MACF1: variants seen among roughly 807,000 people sequenced by gnomAD.
MACF1 encodes the protein microtubule actin crosslinking factor 1.
Under a neutral mutation model 854.8 loss-of-function variants are expected in MACF1, and 193 were observed. That is an observed-to-expected ratio of 0.23 (90% CI 0.20 to 0.25). The LOEUF (loss-of-function observed/expected upper bound fraction) is 0.25. Ranked by LOEUF, MACF1 falls within the 10% of genes least tolerant of loss-of-function variation. The pLI is 1.00. For missense variants in MACF1, 7,722 were observed against 8,929.1 expected (o/e 0.86, Z 5.45); for synonymous variants, 3,185 against 3,226.7 (o/e 0.99, Z 0.44).
chr1:39,244,300 G>A (rs1301260080), intron 2 of MACF1, among the ~76,000 whole-genome samples: 1 of 151,626 alleles, frequency 6.6e-6, no homozygotes, highest in Admixed American at 6.6e-5. Flanking sequence ...TTTATTTTTT[G>A]AGGTGGAGTC....
intron 44 of MACF1, among the ~76,000 whole-genome samples, chr1:39,355,052 G>T (rs971215936): frequency 1.3e-5 from 2 of 152,204 alleles, no homozygotes; most frequent in East Asian, 1.9e-4. Context: ...ATATATTTTA[G>T]TGGTGACACC....
chr1:39,453,925 C>A (rs1644385978), intron 88 of MACF1, 75 bp downstream of exon 88: 1 of 1,485,310 alleles, frequency 6.7e-7, no homozygotes, highest in Non-Finnish European at 9.1e-7. Context: ...TATTTTTCCC[C>A]CAGGTAAGGA....
At chr1:39,432,440 C>CT in intron 66 of MACF1, 95 bp from the exon 67 acceptor site, 1 of 1,099,536 alleles carries the variant, frequency 9.1e-7, no homozygotes. Context: ...AACTGTATTA[C>CT]TGAAAATCCA....
At chr1:39,294,914 G>A in intron 18 of MACF1, 132 bp from the exon 19 acceptor site, 1 of 645,532 alleles carries the variant, frequency 1.5e-6, no homozygotes, top group Middle Eastern at 2.9e-4. Context: ...GGCATGCACT[G>A]TTTATACATC....
rs1212754216 is a variant in MACF1 at position 39,434,489 on chromosome 1, C to T, written c.17641C>T (p.Arg5881Trp). ...LNSERYARLE[R>W]AQVLVNQFWE... ...TTCAGAGCGTTATGCCCGCCTAGAG[C>T]GGGCCCAGGTCTTAGTAAACCAGTT... The change falls in exon 69 of 101, where the codon CGG becomes TGG. Residue 5881 changes from arginine to tryptophan, a missense_variant. This residue lies in a region of MACF1 where 2,807 missense variants were observed against 3,235.8 expected (regional missense o/e 0.87). Coordinates refer to ENST00000564288, the MANE Select transcript of MACF1 (RefSeq NM_001394062.1). 6.2e-6 allele frequency: 10 copies of T among 1,612,704 alleles called. No individual in the cohort carries two copies. Among genetic ancestry groups the T allele is most frequent in the African/African-American group, 2.7e-5 (2 of 74,332 alleles).
Position 39,414,190 on chromosome 1 carries a change from C to T in MACF1, c.15817-8184C>T, listed in dbSNP as rs745467974. ...GCCCACCCCAGAGGTGGCTGCCATC[C>T]CTGCTGCTTCAGTGCCCACCCCAGA... On this transcript the variant is annotated intron_variant, in intron 58 of 100. Transcript: ENST00000564288. The T allele has an allele frequency of 1.9e-6, 3 of 1,613,232 alleles. No homozygotes were observed. The South Asian group carries it at 3.3e-5, about 18-fold the overall frequency.
intron 2 of MACF1, among the ~76,000 whole-genome samples, chr1:39,102,108 C>CG (rs1362326628): frequency 3.4e-5 from 5 of 146,648 alleles, no homozygotes; most frequent in Non-Finnish European, 7.5e-5. Context: ...CCCCGGGGGG[C>CG]GGAGCCTGCA....
intron 6 of MACF1, among the ~76,000 whole-genome samples, chr1:39,275,150 C>G (rs942163104): frequency 6.7e-6 from 1 of 150,252 alleles, no homozygotes; most frequent in African/African-American, 2.5e-5. Context: ...GCGATCTCGG[C>G]TCGCTGCAAG....
At chr1:39,194,805 C>T (rs762140325) in intron 2 of MACF1, among the ~76,000 whole-genome samples, 59 of 151,306 alleles carry the variant, frequency 3.9e-4, no homozygotes, top group Non-Finnish European at 6.9e-4. Flanking sequence ...GATTCTCCTG[C>T]CTCAGCCTCC....
intron 2 of MACF1, among the ~76,000 whole-genome samples, chr1:39,183,059 A>G (rs1225080840): frequency 6.6e-6 from 1 of 152,216 alleles, no homozygotes; most frequent in East Asian, 1.9e-4. Context: ...GCTAACATGG[A>G]TCAACCTTGA....
At chr1:39,467,487 C>G (rs552088598) in intron 95 of MACF1, among the ~76,000 whole-genome samples, 3 of 152,340 alleles carry the variant, frequency 2.0e-5, no homozygotes, top group African/African-American at 7.2e-5. Context: ...ACTCTGCATA[C>G]TTCTCTTTTG....
Position 39,451,112 on chromosome 1 carries a change from A to G in MACF1, c.20319A>G (p.Ala6773=), listed in dbSNP as rs561273139. The G allele has an allele frequency of 8.4e-5, 136 of 1,614,182 alleles. 1 individual carries two copies. In the South Asian group the frequency reaches 1.3e-3, roughly 15 times the overall value. The change falls in exon 85 of 101, where the codon GCA becomes GCG. Residue 6773 remains alanine, a synonymous_variant. Coordinates refer to ENST00000564288, the MANE Select transcript of MACF1 (RefSeq NM_001394062.1). ...FSGQFMDALQ[A]LVDWLYKVEP... ...GTCAGTTCATGGATGCTTTGCAGGC[A>G]TTGGTTGACTGGTTATACAAGGTGG...
chr1:39,117,459 T>C (rs1642575329), intron 2 of MACF1, among the ~76,000 whole-genome samples: 1 of 152,128 alleles, frequency 6.6e-6, no homozygotes, highest in African/African-American at 2.4e-5. Context: ...TCTCCACTAA[T>C]TTGGAGAATC....
At chr1:39,242,021 A>G (rs1425464338) in intron 2 of MACF1, among the ~76,000 whole-genome samples, 2 of 152,202 alleles carry the variant, frequency 1.3e-5, no homozygotes, top group African/African-American at 4.8e-5. Flanking sequence ...AATTGAGGGA[A>G]GCTGTTTATT....
rs1353814009 is a variant in MACF1, at chr1:39,441,115, G to A, written c.18560G>A (p.Ser6187Asn). ...GETEKPEVRKSIDEMNNAWEN... is the reference protein window; with the variant it reads ...GETEKPEVRKNIDEMNNAWEN... The stretch of plus-strand genomic sequence containing the variant: ...ACTGAGAAGCCTGAAGTGAGGAAGA[G>A]CATTGATGAGGTGTGGAGAAATGGA... Residue 6187 changes from serine to asparagine, a missense_variant, in exon 73 of 101, where the codon AGC becomes AAC. By Grantham distance (46) the Ser-to-Asn change is conservative. Transcript: ENST00000564288. 3 of 1,614,218 alleles carry A rather than the reference G, an allele frequency of 1.9e-6. No homozygotes were observed. Among genetic ancestry groups the A allele is most frequent in the Non-Finnish European group, 8.5e-7 (1 of 1,180,040 alleles).
intron 89 of MACF1, chr1:39,457,324 G>C (rs1318702283): frequency 6.6e-6 from 1 of 152,188 alleles, no homozygotes; most frequent in East Asian, 1.9e-4. Context: ...ACCAGGGCTT[G>C]TCAGTCCCAC....
At chr1:39,163,505 AC>A (rs761790680) in intron 2 of MACF1, among the ~76,000 whole-genome samples, 3 of 152,234 alleles carry the variant, frequency 2.0e-5, no homozygotes, top group Non-Finnish European at 4.4e-5. Flanking sequence ...GAAAGATGGT[AC>A]TACTAGTCTG....
At chr1:39,291,496 G>A (rs549292856) in intron 15 of MACF1, among the ~76,000 whole-genome samples, 3 of 152,120 alleles carry the variant, frequency 2.0e-5, no homozygotes, top group Admixed American at 2.0e-4. Flanking sequence ...TCTTCCATTG[G>A]CCAGTAGTTG....
intron 2 of MACF1, among the ~76,000 whole-genome samples, chr1:39,195,761 T>C (rs1409773768): frequency 6.6e-6 from 1 of 152,192 alleles, no homozygotes; most frequent in African/African-American, 2.4e-5. Context: ...TAGGGAGAAA[T>C]GTAAAGTTTT....
Sources: gnomAD v4.1 joint callset for allele counts (sites outside exome capture counted in the v4.1 genomes callset) on GRCh38, gnomAD v4.1.1 for gene constraint, gnomAD v4.1.1 regional missense constraint, MANE v1.5 for transcripts, NCBI Gene and HGNC (gene_info 2026-07-23, HGNC 2026-07-21) for gene names.